The following CHEK2 variants were observed in gnomAD, a reference collection of about 807,000 sequenced individuals.
The protein encoded by CHEK2 is checkpoint kinase 2.
Under a neutral mutation model 69.1 loss-of-function variants are expected in CHEK2, and 71 were observed. The observed-to-expected ratio is 1.03, with a 90% CI of 0.85 to 1.25. The LOEUF (loss-of-function observed/expected upper bound fraction) is 1.25, where lower values mean the gene tolerates loss of function less well. CHEK2 is among the 50% of genes most tolerant of loss of function. The probability of loss-of-function intolerance (pLI) is 0.00; values close to 1 mark genes in which losing one functional copy is unlikely to be tolerated. For missense variants in CHEK2, 664 were observed against 649.6 expected, an observed-to-expected ratio of 1.02 and a Z score of -0.24; for synonymous variants, 189 against 226.9, an observed-to-expected ratio of 0.83 and a Z score of 1.50.
chr22:28,704,785 T>C (rs1479793615), intron 7 of CHEK2, among the ~76,000 whole-genome samples: 1 of 152,172 alleles, frequency 6.6e-6, no homozygotes, highest in Non-Finnish European at 1.5e-5. Context: ...AGTCATCAGA[T>C]TTTTTGGTTT....
At chr22:28,706,681 G>A (rs1308300381) in intron 7 of CHEK2, among the ~76,000 whole-genome samples, 2 of 152,176 alleles carry the variant, frequency 1.3e-5, no homozygotes, top group African/African-American at 4.8e-5. Context: ...CACTTTGGGA[G>A]GCCAAGGCAG....
At chr22:28,730,349 G>A in intron 2 of CHEK2, 1 of 483,278 alleles carries the variant, frequency 2.1e-6, no homozygotes, top group Non-Finnish European at 3.7e-6. Context: ...AAAAAAGAAA[G>A]GGGAAAGGGG....
chr22:28,702,227 T>G (rs1158706291), intron 8 of CHEK2, among the ~76,000 whole-genome samples: 4 of 139,302 alleles, frequency 2.9e-5, no homozygotes, highest in South Asian at 2.5e-4. Context: ...TATACTTTCT[T>G]TCTCTATTTT....
chr22:28,733,218 T>G (rs1396145827), intron 2 of CHEK2, among the ~76,000 whole-genome samples: 1 of 152,162 alleles, frequency 6.6e-6, no homozygotes, highest in Non-Finnish European at 1.5e-5. Flanking sequence ...CAAAAACAAG[T>G]AACAAGTAGT....
intron 7 of CHEK2, among the ~76,000 whole-genome samples, chr22:28,704,387 C>T (rs2053027531): frequency 6.6e-6 from 1 of 151,504 alleles, no homozygotes; most frequent in Non-Finnish European, 1.5e-5. Context: ...GGCTTAAGTG[C>T]AGTGGCATGA....
chr22:28,715,401 A>ATTTT (rs1441459431), intron 5 of CHEK2, among the ~76,000 whole-genome samples: 3 of 150,348 alleles, frequency 2.0e-5, no homozygotes, highest in Non-Finnish European at 3.0e-5. Flanking sequence ...TTTTATTTTT[A>ATTTT]TTTATTTATT....
intron 2 of CHEK2, among the ~76,000 whole-genome samples, chr22:28,728,910 C>G (rs1391096030): frequency 2.6e-5 from 4 of 151,564 alleles, no homozygotes; most frequent in African/African-American, 9.7e-5. Context: ...CCTGGGAGGT[C>G]AAGCCTGCAG....
rs1213228423 is a variant in CHEK2, at chr22:28,696,075, G to C, written c.1096-202C>G. 2.0e-5 allele frequency among the ~76,000 whole-genome samples: 3 copies of C among 152,202 alleles called. No homozygotes were observed. In the East Asian group the frequency reaches 5.8e-4, roughly 29 times the overall value. On this transcript the variant is annotated intron_variant, in intron 10 of 14. Transcript: ENST00000404276. ...GCTTAAATTAAAATTCCTGAGCCTAGGAATCTCAACACTCAGGCTTTCCAA... is the reference window on the plus strand; with the variant it reads ...GCTTAAATTAAAATTCCTGAGCCTACGAATCTCAACACTCAGGCTTTCCAA...
chr22:28,721,701 T>C (rs1425137049), intron 4 of CHEK2: 5 of 423,412 alleles, frequency 1.2e-5, no homozygotes, highest in Non-Finnish European at 2.4e-5. Flanking sequence ...CTACAATGTA[T>C]ACATATTTGA....
At chr22:28,701,224 A>G (rs867397568) in intron 8 of CHEK2, among the ~76,000 whole-genome samples, 1 of 151,350 alleles carries the variant, frequency 6.6e-6, no homozygotes, top group Non-Finnish European at 1.5e-5. Context: ...TGTTTTTACC[A>G]TAGTCTTTTT....
At chr22:28,729,221 TA>T in intron 2 of CHEK2, 5 of 232,234 alleles carry the variant, frequency 2.2e-5, no homozygotes, top group Admixed American at 5.7e-5. Context: ...CAGCAACACA[TA>T]AAAAAGATTA....
intron 7 of CHEK2, among the ~76,000 whole-genome samples, chr22:28,704,216 T>C (rs952106115): frequency 3.3e-5 from 5 of 151,176 alleles, no homozygotes; most frequent in African/African-American, 1.2e-4. Flanking sequence ...TGGAGAACAC[T>C]GAGGGTAAGG....
chr22:28,707,956 C>G (rs2053217117), intron 7 of CHEK2, among the ~76,000 whole-genome samples: 1 of 151,320 alleles, frequency 6.6e-6, no homozygotes, highest in Admixed American at 6.6e-5. Flanking sequence ...CCTGCCTCAG[C>G]CTCTCCAGTA....
intron 1 of CHEK2, chr22:28,737,222 C>T (rs1198026575): frequency 6.5e-6 from 3 of 458,142 alleles, no homozygotes; most frequent in South Asian, 3.2e-5. Flanking sequence ...TTTCTTTTTC[C>T]TTCTTCACAA....
chr22:28,705,183 A>G (rs1202182019), intron 7 of CHEK2, among the ~76,000 whole-genome samples: 1 of 148,406 alleles, frequency 6.7e-6, no homozygotes, highest in Non-Finnish European at 1.5e-5. Context: ...GGTTCACGCC[A>G]TTCTCCTGCC....
Position 28,739,978 on chromosome 22 carries a change from G to A in CHEK2, c.-7+1791C>T, listed in dbSNP as rs759472307. ...AGCACTTTGGGAGGCCAAGGCGGGCGGATCACAAGGTCAGGAGATGGAGAC... is the reference window on the plus strand; with the variant it reads ...AGCACTTTGGGAGGCCAAGGCGGGCAGATCACAAGGTCAGGAGATGGAGAC... On this transcript the variant is annotated intron_variant, in intron 1 of 14. Coordinates refer to ENST00000404276, the MANE Select transcript of CHEK2 (RefSeq NM_007194.4). Among the ~76,000 whole-genome samples the A allele has an allele frequency of 3.9e-5, 6 of 152,180 alleles. No individual in the cohort carries two copies. In the East Asian group the frequency reaches 1.2e-3, roughly 30 times the overall value.
chr22:28,712,251 T>A, intron 5 of CHEK2: 1 of 554,646 alleles, frequency 1.8e-6, no homozygotes, highest in Non-Finnish European at 3.2e-6. Context: ...AATACAAACA[T>A]GGGTCTTACT....
intron 2 of CHEK2, among the ~76,000 whole-genome samples, chr22:28,726,652 G>A (rs977349782): frequency 2.0e-4 from 29 of 146,058 alleles, no homozygotes; most frequent in African/African-American, 4.3e-4. Flanking sequence ...ATATAAAACC[G>A]TGAAATAACA....
chr22:28,737,269 T>C (rs1569175133), intron 1 of CHEK2: 2 of 474,810 alleles, frequency 4.2e-6, no homozygotes, highest in African/African-American at 2.0e-5. Flanking sequence ...CCATAGACGT[T>C]AGCAGCCTCA....
Sources: allele counts gnomAD v4.1 joint callset (sites outside exome capture counted in the v4.1 genomes callset), GRCh38; gene constraint gnomAD v4.1.1; transcripts MANE v1.5; gene names NCBI Gene and HGNC (gene_info 2026-07-23, HGNC 2026-07-21).